The following KIN variants were observed in gnomAD, a reference collection of about 807,000 sequenced individuals.
The protein encoded by KIN is Kin17 DNA and RNA binding protein.
A neutral mutation model predicts 63.0 loss-of-function variants in KIN; 47 were observed. The ratio of observed to expected loss-of-function variants is 0.75; its 90% confidence interval spans 0.59 to 0.95. KIN has a LOEUF of 0.95. KIN is among the 40% of genes least tolerant of loss of function. The pLI is 0.00. For synonymous variants in KIN, 160 were observed against 157.7 expected (o/e 1.01, Z -0.11); for missense variants, 408 against 460.9 (o/e 0.89, Z 1.05).
chr10:7,783,580 T>C (rs1292253457), intron 1 of KIN, among the ~76,000 whole-genome samples: 2 of 152,240 alleles, frequency 1.3e-5, no homozygotes, highest in African/African-American at 4.8e-5. Flanking sequence ...CCACAGAAAC[T>C]ACTTTCGCTC....
At position 7,753,486 on chromosome 10, in the gene KIN, T is replaced by A. The variant is rs886830745; in HGVS notation, c.*2594A>T. On this transcript the variant is annotated 3_prime_UTR_variant, in exon 13 of 13. Coordinates refer to ENST00000379562, the MANE Select transcript of KIN (RefSeq NM_012311.4). ...AGATTCTTAGTAGTCCAGGCTCAAC[T>A]TCTTGGCTTCATTTCTGGACATGAC... 2 of 152,294 alleles carry A rather than the reference T, an allele frequency of 1.3e-5. No homozygotes were observed. The highest frequency in any genetic ancestry group is 4.8e-5 in the African/African-American group (2 of 41,468). 9.4% of individuals were successfully genotyped at this position (152,294 alleles called of 1,614,324 possible). A position where few individuals can be genotyped will look rare whatever the true frequency, so the allele number is the denominator to read the frequency against.
intron 12 of KIN, among the ~76,000 whole-genome samples, chr10:7,758,052 G>GA (rs1190785166): frequency 6.2e-5 from 8 of 129,460 alleles, no homozygotes; most frequent in East Asian, 4.4e-4. Context: ...AAGAAAGGAA[G>GA]AAAAAAAAAT....
intron 5 of KIN, 125 bp downstream of exon 5, chr10:7,778,713 T>A (rs1275706364): frequency 2.0e-6 from 2 of 990,822 alleles, no homozygotes; most frequent in East Asian, 2.4e-5. Context: ...CACTCCAGCC[T>A]GGGCGGCAGA....
rs71385669 is a variant in KIN, at chr10:7,752,041, CAAAAAAAAAAA to C, written c.*4028_*4038del. ...TGGGCGACAGAGCGAGACTCCGTCT[CAAAAAAAAAAA>C]AAAAAAAAAAAAAAAAAAAAAAAAA... On this transcript the variant is annotated 3_prime_UTR_variant, in exon 13 of 13. Coordinates refer to ENST00000379562, the MANE Select transcript of KIN (RefSeq NM_012311.4). The C allele has an allele frequency of 9.0e-3, 2 of 222 alleles. No homozygotes were observed. The highest frequency in any genetic ancestry group is 0.017 in the Non-Finnish European group (2 of 116). 0.0% of individuals were successfully genotyped at this position (222 alleles called of 1,614,324 possible).
intron 7 of KIN, among the ~76,000 whole-genome samples, 158 bp downstream of exon 7, chr10:7,774,673 A>G (rs1835732799): frequency 6.6e-6 from 1 of 152,062 alleles, no homozygotes; most frequent in South Asian, 2.1e-4. Context: ...TAAAAAAAAA[A>G]AAAGAACAAT....
chr10:7,757,757 T>C (rs541074499), intron 12 of KIN, among the ~76,000 whole-genome samples: 1 of 152,228 alleles, frequency 6.6e-6, no homozygotes, highest in African/African-American at 2.4e-5. Context: ...TCATGTTTAA[T>C]GGTCTATGGT....
chr10:7,766,867 C>T (rs1835554475), intron 8 of KIN, among the ~76,000 whole-genome samples: 1 of 151,712 alleles, frequency 6.6e-6, no homozygotes. Context: ...ACTAAAAGTA[C>T]AAAAATTAGC....
At chr10:7,762,328 T>TA in intron 11 of KIN, 129 bp downstream of exon 11, 1 of 518,072 alleles carries the variant, frequency 1.9e-6, no homozygotes, top group Non-Finnish European at 3.4e-6. Context: ...AGAGATGAGT[T>TA]ACGCTGGCAG....
chr10:7,771,060 A>T (rs1429607238), intron 7 of KIN, among the ~76,000 whole-genome samples: 2 of 152,220 alleles, frequency 1.3e-5, no homozygotes, highest in East Asian at 3.9e-4. Flanking sequence ...CATATATTTA[A>T]ACTCTGGTTC....
In KIN at chr10:7,775,821, G is replaced by A. The variant is rs1432715448; in HGVS notation, c.559-22C>T. 38 of 1,500,880 alleles carry A rather than the reference G, an allele frequency of 2.5e-5. No homozygotes were observed. In the Admixed American group the frequency reaches 7.7e-4, roughly 30 times the overall value. 93.0% of individuals were successfully genotyped at this position (1,500,880 alleles called of 1,614,324 possible). A position where few individuals can be genotyped will look rare whatever the true frequency, so the allele number is the denominator to read the frequency against. On this transcript the variant is annotated intron_variant, in intron 5 of 12. Coordinates refer to ENST00000379562, the MANE Select transcript of KIN (RefSeq NM_012311.4). ...CCTCCTAAAAAAAAGAAAGTTTTAA[G>A]GTTTTGGTGTACATTGCACTTACTA... is the stretch of plus-strand genomic sequence containing the variant.
intron 9 of KIN, among the ~76,000 whole-genome samples, chr10:7,764,603 G>A (rs1315622207): frequency 1.3e-5 from 2 of 152,058 alleles, no homozygotes; most frequent in East Asian, 3.9e-4. Flanking sequence ...TTGGGGAGAG[G>A]GTATTTAATA....
At chr10:7,763,843 T>C (rs756386251) in intron 9 of KIN, 52 bp from the exon 10 acceptor site, 1 of 880,578 alleles carries the variant, frequency 1.1e-6, no homozygotes, top group Non-Finnish European at 1.8e-6. Context: ...TTATCGTTTG[T>C]CATTTACTTC....
intron 1 of KIN, among the ~76,000 whole-genome samples, chr10:7,783,796 A>G (rs1480335298): frequency 6.6e-6 from 1 of 152,034 alleles, no homozygotes; most frequent in Non-Finnish European, 1.5e-5. Flanking sequence ...CCCTATCTCT[A>G]TCTGAAGCAC....
At chr10:7,777,300 C>T (rs937785773) in intron 5 of KIN, among the ~76,000 whole-genome samples, 1 of 149,898 alleles carries the variant, frequency 6.7e-6, no homozygotes, top group African/African-American at 2.5e-5. Context: ...AATAATCAAT[C>T]GTGGTATACT....
intron 2 of KIN, among the ~76,000 whole-genome samples, chr10:7,782,682 C>A (rs887151085): frequency 1.3e-5 from 2 of 152,096 alleles, no homozygotes; most frequent in Non-Finnish European, 2.9e-5. Context: ...CAGGTGTGAG[C>A]CACCTCGCCT....
Position 7,759,941 on chromosome 10 carries a change from G to A in KIN, c.1068C>T (p.Thr356=), listed in dbSNP as rs756733485. Residue 356 remains threonine, a synonymous_variant, in exon 12 of 13, where the codon ACC becomes ACT. Coordinates refer to ENST00000379562, the MANE Select transcript of KIN (RefSeq NM_012311.4). ...LNGGYRGNEG[T]LESINEKTFS... Reference sequence around the variant, plus strand: ...AAGTCTTCTCATTGATGGATTCTAGGGTACCTTCATTTCCTCTGTAGCCTC... The same window carrying A: ...AAGTCTTCTCATTGATGGATTCTAGAGTACCTTCATTTCCTCTGTAGCCTC... 6.4e-7 allele frequency: 1 copy of A among 1,572,054 alleles called. No homozygotes were observed. Among genetic ancestry groups the A allele is most frequent in the South Asian group, 1.2e-5 (1 of 84,510 alleles).
chr10:7,756,130 CT>C lies in KIN; in HGVS notation c.1131del (p.Gly378AspfsTer26). 2 of 1,581,242 alleles carry C rather than the reference CT, an allele frequency of 1.3e-6. No homozygotes were observed. The highest frequency in any genetic ancestry group is 1.2e-5 in the South Asian group (1 of 84,510). On this transcript the variant is annotated frameshift_variant, in exon 13 of 13. Transcript: ENST00000379562. LOFTEE classifies it high-confidence loss of function. Reference protein sequence around the residue: ...ATIVIETGPLKGRRVEGIQYE... With the variant: ...ATIVIETGPLXGRRVEGIQYE... ...TATTGAATTCCTTCAACTCTGCGTC[CT>C]TTTAAAGGGCCCTACAAATTAAAAT...
Position 7,760,671 on chromosome 10 carries a change from T to C in KIN, c.1019-681A>G, listed in dbSNP as rs531265611. ...ACATAACTTTTATCATACTATATTATTATAATTGCTCTATTTTATTATTAG... is the reference window on the plus strand; with the variant it reads ...ACATAACTTTTATCATACTATATTACTATAATTGCTCTATTTTATTATTAG... On this transcript the variant is annotated intron_variant, in intron 11 of 12. Transcript: ENST00000379562. Among the ~76,000 whole-genome samples, 18 of 116,664 alleles carry C rather than the reference T, an allele frequency of 1.5e-4. No individual in the cohort carries two copies. The South Asian group carries it at 5.6e-3, about 37-fold the overall frequency. The allele number at this position is 116,664 out of a possible 152,430, so 76.5% of individuals were successfully genotyped here. A position where few individuals can be genotyped will look rare whatever the true frequency, so the allele number is the denominator to read the frequency against.
rs1835496609 is a variant in KIN, at chr10:7,764,267, ATT to A, written c.850-478_850-477del. ...ACAGTTCTCACTATGCCCCTTTCTC[ATT>A]AAGTTGCTTTGAATTTTCATACAGT... On this transcript the variant is annotated intron_variant, in intron 9 of 12. Coordinates refer to ENST00000379562, the MANE Select transcript of KIN (RefSeq NM_012311.4). Among the ~76,000 whole-genome samples the A allele has an allele frequency of 5.3e-5, 8 of 152,302 alleles. No individual in the cohort carries two copies. The South Asian group carries it at 1.7e-3, about 32-fold the overall frequency.
Sources: allele counts gnomAD v4.1 joint callset (sites outside exome capture counted in the v4.1 genomes callset), GRCh38; gene constraint gnomAD v4.1.1; transcripts MANE v1.5; gene names NCBI Gene and HGNC (gene_info 2026-07-23, HGNC 2026-07-21).